Variants in LDB2 observed in about 807,000 individuals in gnomAD.
LDB2 encodes LIM domain-binding protein 2.
Under a neutral mutation model 44.3 loss-of-function variants are expected in LDB2, and 12 were observed. The ratio of observed to expected loss-of-function variants is 0.27; its 90% CI spans 0.17 to 0.44. LDB2 has a LOEUF of 0.44. LDB2 is among the 20% of genes least tolerant of loss of function. The pLI, the probability that LDB2 is intolerant of heterozygous loss-of-function variation, is 1.00. For missense variants in LDB2, 344 were observed against 473.5 expected, an observed-to-expected ratio of 0.73 and a Z score of 2.54; for synonymous variants, 164 against 174.8, an observed-to-expected ratio of 0.94 and a Z score of 0.49.
At chr4:16,592,394 C>T (rs1170847458) in intron 3 of LDB2, among the ~76,000 whole-genome samples, 2 of 150,434 alleles carry the variant, frequency 1.3e-5, no homozygotes, top group South Asian at 2.1e-4. Flanking sequence ...TAGATTAACA[C>T]TTGTGCAAAG....
intron 2 of LDB2, among the ~76,000 whole-genome samples, chr4:16,601,394 T>A (rs1722542966): frequency 6.6e-6 from 1 of 152,170 alleles, no homozygotes; most frequent in Non-Finnish European, 1.5e-5. Flanking sequence ...ATTTCTATGT[T>A]TCAAAGACAA....
At chr4:16,579,249 T>G (rs1713248582) in intron 5 of LDB2, among the ~76,000 whole-genome samples, 2 of 152,224 alleles carry the variant, frequency 1.3e-5, no homozygotes, top group Admixed American at 1.3e-4. Flanking sequence ...GATGTGATTA[T>G]GATGCATTAC....
chr4:16,583,851 A>C (rs1715705166), intron 5 of LDB2, among the ~76,000 whole-genome samples: 1 of 152,040 alleles, frequency 6.6e-6, no homozygotes, highest in African/African-American at 2.4e-5. Context: ...ATCTCCCTCT[A>C]TTTCAGCACG....
intron 1 of LDB2, among the ~76,000 whole-genome samples, chr4:16,790,131 T>TA (rs1450208702): frequency 1.3e-5 from 2 of 152,184 alleles, no homozygotes; most frequent in East Asian, 3.9e-4. Context: ...AAGCACCCAC[T>TA]AAATACCAGA....
At chr4:16,523,772 C>T (rs550654363) in intron 5 of LDB2, among the ~76,000 whole-genome samples, 2 of 152,256 alleles carry the variant, frequency 1.3e-5, no homozygotes, top group Middle Eastern at 3.4e-3. Flanking sequence ...GGTTTCATCA[C>T]GCTACTCAGA....
At chr4:16,548,904 T>C (rs1736704615) in intron 5 of LDB2, among the ~76,000 whole-genome samples, 1 of 152,208 alleles carries the variant, frequency 6.6e-6, no homozygotes, top group Non-Finnish European at 1.5e-5. Context: ...GGAGAAGGAA[T>C]AGGATTTCTA....
chr4:16,699,895 G>C (rs1458500574), intron 2 of LDB2, among the ~76,000 whole-genome samples: 18 of 152,072 alleles, frequency 1.2e-4, no homozygotes, highest in Non-Finnish European at 1.5e-5. Context: ...ATGTACAGTA[G>C]GGGGGCCAGA....
chr4:16,889,057 CAA>C (rs1722557380), intron 1 of LDB2, among the ~76,000 whole-genome samples: 1 of 149,626 alleles, frequency 6.7e-6, no homozygotes, highest in African/African-American at 2.5e-5. Context: ...CTGATTAGGA[CAA>C]ATGTCTCTCT....
At chr4:16,894,233 T>C (rs1443466833) in intron 1 of LDB2, among the ~76,000 whole-genome samples, 1 of 152,154 alleles carries the variant, frequency 6.6e-6, no homozygotes, top group Non-Finnish European at 1.5e-5. Context: ...GCCAAACCAT[T>C]CAAATACATG....
intron 5 of LDB2, among the ~76,000 whole-genome samples, chr4:16,555,301 G>T (rs375255886): frequency 3.9e-5 from 6 of 152,170 alleles, no homozygotes; most frequent in East Asian, 3.9e-4. Context: ...TTTATAAGAG[G>T]TGTCACATCT....
intron 5 of LDB2, among the ~76,000 whole-genome samples, chr4:16,525,934 G>A (rs1355185404): frequency 6.6e-6 from 1 of 152,188 alleles, no homozygotes; most frequent in Non-Finnish European, 1.5e-5. Context: ...CCATGGCATA[G>A]GGAATTACAG....
At chr4:16,508,266 TG>T (rs1720344259) in intron 7 of LDB2, among the ~76,000 whole-genome samples, 1 of 152,210 alleles carries the variant, frequency 6.6e-6, no homozygotes, top group South Asian at 2.1e-4. Flanking sequence ...ACATATCTCC[TG>T]TCTGTGACTC....
At chr4:16,567,756 C>T (rs565723594) in intron 5 of LDB2, among the ~76,000 whole-genome samples, 11 of 152,208 alleles carry the variant, frequency 7.2e-5, no homozygotes, top group Admixed American at 2.0e-4. Context: ...GGCGACAGAG[C>T]GAGACAACGT....
intron 2 of LDB2, among the ~76,000 whole-genome samples, chr4:16,697,453 C>T (rs574936381): frequency 2.1e-4 from 32 of 151,398 alleles, no homozygotes; most frequent in African/African-American, 7.7e-4. Flanking sequence ...CAGAGCAAGA[C>T]TCCGTCCCAA....
chr4:16,749,574 A>T (rs1294409725), intron 2 of LDB2, among the ~76,000 whole-genome samples: 40 of 134,888 alleles, frequency 3.0e-4, no homozygotes, highest in Middle Eastern at 3.7e-3. Flanking sequence ...AAAAAAAAAT[A>T]AAAAAATAAA....
chr4:16,847,907 C>T (rs1787407905), intron 1 of LDB2, among the ~76,000 whole-genome samples: 1 of 152,194 alleles, frequency 6.6e-6, no homozygotes, highest in African/African-American at 2.4e-5. Context: ...TGAGCCACCG[C>T]GCCCAGCCTA....
chr4:16,836,240 T>A (rs1784866539), intron 1 of LDB2, among the ~76,000 whole-genome samples: 1 of 152,242 alleles, frequency 6.6e-6, no homozygotes, highest in South Asian at 2.1e-4. Flanking sequence ...GGCCTCATCC[T>A]CAACATTTGA....
At chr4:16,573,111 C>T (rs973375825) in intron 5 of LDB2, among the ~76,000 whole-genome samples, 22 of 152,114 alleles carry the variant, frequency 1.4e-4, no homozygotes, top group Admixed American at 1.4e-3. Flanking sequence ...AACGTTGCTG[C>T]GGGATCGGCT....
intron 2 of LDB2, among the ~76,000 whole-genome samples, chr4:16,597,948 C>G (rs961513885): frequency 1.8e-4 from 27 of 152,180 alleles, no homozygotes; most frequent in African/African-American, 6.5e-4. Context: ...TTCTAGCACT[C>G]TAGGAAATGG....
Sources: allele counts gnomAD v4.1 joint callset (sites outside exome capture counted in the v4.1 genomes callset), GRCh38; gene constraint gnomAD v4.1.1; transcripts MANE v1.5; gene names NCBI Gene and HGNC (gene_info 2026-07-23, HGNC 2026-07-21).